TNS1: variants seen among roughly 807,000 people sequenced by gnomAD.
TNS1 encodes the protein tensin 1, also known as tensin-1.
Under a neutral mutation model 168.6 loss-of-function variants are expected in TNS1, and 62 were observed. The observed-to-expected ratio is 0.37, with a 90% CI of 0.30 to 0.45. The LOEUF (loss-of-function observed/expected upper bound fraction) is 0.45, where lower values mean the gene tolerates loss of function less well. Ranked by LOEUF, TNS1 falls within the 20% of genes least tolerant of loss-of-function variation. TNS1 has a pLI of 1.00. For synonymous variants in TNS1, 934 were observed against 933.2 expected (o/e 1.00, Z -0.02); for missense variants, 2,240 against 2,339.4 (o/e 0.96, Z 0.88).
At chr2:217,938,403 A>C (rs1284912609) in intron 3 of TNS1, among the ~76,000 whole-genome samples, 3 of 152,182 alleles carry the variant, frequency 2.0e-5, no homozygotes, top group African/African-American at 7.2e-5. Flanking sequence ...CAGGAGCCCT[A>C]CCCTTGCACG....
chr2:217,842,224 G>A lies in TNS1; in HGVS notation c.3007+5286C>T, dbSNP rs192617382. On this transcript the variant is annotated intron_variant, in intron 19 of 32. Coordinates refer to ENST00000682258, the MANE Select transcript of TNS1 (RefSeq NM_001387777.1). ...GCTATGCTTAATCTGGTATGTACAC[G>A]TCAACAATTCCCATATCTCTAAGTT... is the stretch of plus-strand genomic sequence containing the variant. 5.3e-5 allele frequency: 34 copies of A among 635,592 alleles called. No individual in the cohort carries two copies. In the Middle Eastern group the frequency reaches 1.5e-3, roughly 28 times the overall value. 39.4% of individuals were successfully genotyped at this position (635,592 alleles called of 1,614,324 possible).
At chr2:217,963,411 A>G (rs1011353223) in intron 3 of TNS1, among the ~76,000 whole-genome samples, 1 of 152,172 alleles carries the variant, frequency 6.6e-6, no homozygotes, top group Non-Finnish European at 1.5e-5. Context: ...ATGCACCGGG[A>G]GCGTAAAAGC....
chr2:217,888,447 C>T (rs1951424337), intron 12 of TNS1, among the ~76,000 whole-genome samples: 2 of 152,134 alleles, frequency 1.3e-5, no homozygotes, highest in Admixed American at 6.5e-5. Flanking sequence ...AGACAGGAGC[C>T]AGGCAGACAC....
intron 3 of TNS1, among the ~76,000 whole-genome samples, chr2:217,923,966 C>A (rs1401176403): frequency 6.6e-6 from 1 of 152,300 alleles, no homozygotes; most frequent in East Asian, 1.9e-4. Flanking sequence ...ACAGGGCACA[C>A]CCGTGCAGAC....
chr2:218,028,052 G>A (rs1447816011), intron 1 of TNS1, among the ~76,000 whole-genome samples: 3 of 152,226 alleles, frequency 2.0e-5, no homozygotes, highest in Non-Finnish European at 4.4e-5. Flanking sequence ...AGCTGGCCTG[G>A]AGGACACCGC....
At position 217,836,112 on chromosome 2, in the gene TNS1, G is replaced by A. The variant is rs767860513; in HGVS notation, c.3107C>T (p.Thr1036Ile). ...GCGAACCCCAGGGCTACGAGGGGAT[G>A]TGGCTTCTGGAGACTGGTTCTCATA... The part of the protein sequence containing the change: ...GQYENQSPEA[T>I]SPRSPGVRSP... Residue 1036 changes from threonine (T) to isoleucine (I), a missense_variant, in exon 20 of 33, where the codon ACA becomes ATA. By Grantham distance (89) the Thr-to-Ile change is moderately conservative. Around this residue, in one of 2 missense-constraint regions of TNS1, gnomAD observed 2,131 missense variants for 2,171.2 expected, o/e 0.98. Coordinates refer to ENST00000682258, the MANE Select transcript of TNS1 (RefSeq NM_001387777.1). 3 of 1,614,018 alleles carry A rather than the reference G, an allele frequency of 1.9e-6. No individual in the cohort carries two copies. The highest frequency in any genetic ancestry group is 1.3e-5 in the African/African-American group (1 of 74,900).
intron 3 of TNS1, among the ~76,000 whole-genome samples, chr2:217,968,189 T>C (rs1046930902): frequency 7.2e-5 from 11 of 152,236 alleles, no homozygotes; most frequent in African/African-American, 2.4e-4. Context: ...GCTAATATCA[T>C]GCTTAGTGGT....
intron 8 of TNS1, 38 bp downstream of exon 8, chr2:217,897,760 G>T: frequency 6.6e-7 from 1 of 1,521,864 alleles, no homozygotes; most frequent in Non-Finnish European, 8.8e-7. Flanking sequence ...TGGAAGCATA[G>T]AGGGCACAGG....
At chr2:217,893,359 G>T in intron 10 of TNS1, 80 bp downstream of exon 10, 1 of 1,494,300 alleles carries the variant, frequency 6.7e-7, no homozygotes, top group South Asian at 1.4e-5. Context: ...ATCATCCAAG[G>T]ACACATTCAG....
chr2:217,895,119 G>C, intron 8 of TNS1, 63 bp from the exon 9 acceptor site: 3 of 1,491,660 alleles, frequency 2.0e-6, no homozygotes, highest in Non-Finnish European at 2.8e-6. Flanking sequence ...CGAGGAGAGA[G>C]AGAACCATGG....
rs1942338788 is a variant in TNS1 at position 217,818,713 on chromosome 2, G to A, written c.3619C>T (p.Pro1207Ser). The A allele has an allele frequency of 1.2e-6, 2 of 1,614,030 alleles. No homozygotes were observed. Among genetic ancestry groups the A allele is most frequent in the Non-Finnish European group, 1.7e-6 (2 of 1,180,006 alleles). The change falls in exon 24 of 33, where the codon CCC becomes TCC. Residue 1207 changes from proline (P) to serine (S), a missense_variant. By Grantham distance (74) the Pro-to-Ser change is moderately conservative. Transcript: ENST00000682258. ...FPSGESSDQG[P>S]RTPTQPLLES... is the part of the protein sequence containing the mutation. ...AACAGAGGCTGGGTGGGCGTCCGGG[G>A]ACCCTGGTCACTGCTCTCTCCCGAC...
At chr2:217,973,533 T>A (rs1016561010) in intron 3 of TNS1, among the ~76,000 whole-genome samples, 1 of 151,916 alleles carries the variant, frequency 6.6e-6, no homozygotes, top group African/African-American at 2.4e-5. Flanking sequence ...TAGAATGGGG[T>A]TTCCATGAAC....
chr2:217,852,315 GCAGGC>G (rs1947614129), intron 18 of TNS1, among the ~76,000 whole-genome samples: 1 of 152,140 alleles, frequency 6.6e-6, no homozygotes, highest in African/African-American at 2.4e-5. Context: ...CTAGAAAGCT[GCAGGC>G]CCCCTCCTGA....
chr2:217,864,989 C>A (rs1949132874), intron 18 of TNS1, among the ~76,000 whole-genome samples: 1 of 152,134 alleles, frequency 6.6e-6, no homozygotes, highest in African/African-American at 2.4e-5. Context: ...CATGTGGTTC[C>A]ATGCATGAGA....
intron 1 of TNS1, among the ~76,000 whole-genome samples, chr2:218,025,783 C>A (rs1449135728): frequency 6.6e-6 from 1 of 152,066 alleles, no homozygotes; most frequent in African/African-American, 2.4e-5. Flanking sequence ...CTCAAGTGAG[C>A]CTCCTGTCTC....
In TNS1 at chr2:217,802,981, T is replaced by A. The variant is rs1401109176; in HGVS notation, c.*1478A>T. Reference sequence around the variant, plus strand: ...GTCAGGTGTTTTCCCAACTGTCCAGTGGACCTTAGGCCCTTTGGCCCAAGT... The same window carrying A: ...GTCAGGTGTTTTCCCAACTGTCCAGAGGACCTTAGGCCCTTTGGCCCAAGT... On this transcript the variant is annotated 3_prime_UTR_variant, in exon 33 of 33. Transcript: ENST00000682258. 6.5e-6 allele frequency: 1 copy of A among 152,688 alleles called. No homozygotes were observed. Among genetic ancestry groups the A allele is most frequent in the Admixed American group, 6.5e-5 (1 of 15,286 alleles). 9.5% of individuals were successfully genotyped at this position (152,688 alleles called of 1,614,324 possible). A position where few individuals can be genotyped will look rare whatever the true frequency, so the allele number is the denominator to read the frequency against.
At chr2:217,878,482 T>C (rs1950394360) in intron 18 of TNS1, among the ~76,000 whole-genome samples, 1 of 152,100 alleles carries the variant, frequency 6.6e-6, no homozygotes, top group Non-Finnish European at 1.5e-5. Flanking sequence ...GTTTCCCCAT[T>C]TGGACATAAT....
chr2:217,939,960 GA>G (rs1369947584), intron 3 of TNS1, among the ~76,000 whole-genome samples: 2 of 152,242 alleles, frequency 1.3e-5, no homozygotes, highest in Non-Finnish European at 2.9e-5. Context: ...TCCTGGACGG[GA>G]AAGCGCTCCA....
intron 18 of TNS1, among the ~76,000 whole-genome samples, chr2:217,863,654 T>C (rs1417658957): frequency 6.6e-6 from 1 of 152,174 alleles, no homozygotes; most frequent in Non-Finnish European, 1.5e-5. Context: ...GATTTCCTTT[T>C]CCTGGGACTC....
Sources: allele counts gnomAD v4.1 joint callset (sites outside exome capture counted in the v4.1 genomes callset), GRCh38; gene constraint gnomAD v4.1.1; regional missense constraint gnomAD v4.1.1; transcripts MANE v1.5; gene names NCBI Gene and HGNC (gene_info 2026-07-23, HGNC 2026-07-21).